Variants in WDR70 observed in about 807,000 individuals in gnomAD.
WDR70 encodes the protein WD repeat-containing protein 70.
In WDR70, 53 loss-of-function variants were observed where a neutral mutation model predicts 88.6. That is an observed-to-expected ratio of 0.60 (90% CI 0.48 to 0.75). The LOEUF is 0.75. Among genes scored for constraint, WDR70 ranks in the 30% least tolerant of loss-of-function variants. The pLI is 0.00. For synonymous variants in WDR70, 280 were observed against 270.0 expected, an observed-to-expected ratio of 1.04 and a Z score of -0.36; for missense variants, 610 against 823.2, an observed-to-expected ratio of 0.74 and a Z score of 3.17.
chr5:37,651,423 G>A lies in WDR70; in HGVS notation c.1092+46185G>A, dbSNP rs372384315. On this transcript the variant is annotated intron_variant, in intron 10 of 17. Coordinates refer to ENST00000265107, the MANE Select transcript of WDR70 (RefSeq NM_018034.4). ...TATTGTGAATAGTGCTGCAATAAACGTACATGTGCATGTGTCTTTATAGTA... is the reference window on the plus strand; with the variant it reads ...TATTGTGAATAGTGCTGCAATAAACATACATGTGCATGTGTCTTTATAGTA... 5.7e-4 allele frequency among the ~76,000 whole-genome samples: 86 copies of A among 152,196 alleles called. 3 individuals are homozygous for A. In the East Asian group the frequency reaches 0.012, roughly 21 times the overall value.
At chr5:37,436,932 T>G (rs1750484439) in intron 5 of WDR70, among the ~76,000 whole-genome samples, 1 of 152,160 alleles carries the variant, frequency 6.6e-6, no homozygotes, top group South Asian at 2.1e-4. Context: ...ACATATAATA[T>G]TAGTAGGATT....
chr5:37,749,158 G>A (rs138626239), intron 17 of WDR70, among the ~76,000 whole-genome samples: 1,527 of 152,276 alleles, frequency 0.01, 24 homozygotes, highest in African/African-American at 0.034. Flanking sequence ...ACATGCACAC[G>A]TATGTTTATT....
chr5:37,405,907 G>A (rs1749338445), intron 5 of WDR70, among the ~76,000 whole-genome samples: 2 of 152,168 alleles, frequency 1.3e-5, no homozygotes, highest in South Asian at 2.1e-4. Context: ...GCCAAGTGTG[G>A]TGGTGTGCAC....
chr5:37,657,171 G>A (rs369317421), intron 10 of WDR70, among the ~76,000 whole-genome samples: 1 of 152,164 alleles, frequency 6.6e-6, no homozygotes, highest in East Asian at 1.9e-4. Flanking sequence ...TGAAGACTGT[G>A]GGAAAAGCAT....
In WDR70 at chr5:37,392,073, A is replaced by T. The variant is rs1041571254; in HGVS notation, c.249A>T (p.Thr83=). ...LRRQNEDIEP[T]SSRSNVVRDC... is the part of the protein sequence containing the mutation. The stretch of plus-strand genomic sequence containing the variant: ...GACAAAATGAAGATATTGAGCCAAC[A>T]TCCTCAAGATCAAATGTGGTCAGAG... Residue 83 remains threonine (T), a synonymous_variant, in exon 4 of 18, where the codon ACA becomes ACT. Coordinates refer to ENST00000265107, the MANE Select transcript of WDR70 (RefSeq NM_018034.4). 32 of 1,612,884 alleles carry T rather than the reference A, an allele frequency of 2.0e-5. No individual in the cohort carries two copies. In the East Asian group the frequency reaches 7.1e-4, roughly 36 times the overall value.
At chr5:37,637,480 C>T (rs1434309738) in intron 10 of WDR70, among the ~76,000 whole-genome samples, 3 of 152,112 alleles carry the variant, frequency 2.0e-5, no homozygotes. Flanking sequence ...CCTCATCTCA[C>T]ACACCCACAT....
intron 10 of WDR70, among the ~76,000 whole-genome samples, chr5:37,685,879 C>A (rs1188513057): frequency 6.6e-6 from 1 of 152,156 alleles, no homozygotes; most frequent in East Asian, 1.9e-4. Flanking sequence ...CCAGTGTGCT[C>A]TAACCCCACA....
At chr5:37,393,337 G>A (rs769555385) in intron 4 of WDR70, among the ~76,000 whole-genome samples, 3 of 152,188 alleles carry the variant, frequency 2.0e-5, no homozygotes. Context: ...ACCGCGCCCA[G>A]CGTTATTATT....
At chr5:37,520,987 T>C (rs1465203502) in intron 9 of WDR70, among the ~76,000 whole-genome samples, 2 of 151,990 alleles carry the variant, frequency 1.3e-5, no homozygotes, top group African/African-American at 4.8e-5. Context: ...CACAGAGGAC[T>C]TGGGCTATTC....
rs1339419622 is a variant in WDR70, at chr5:37,381,812, G to A, written c.175+127G>A. On this transcript the variant is annotated intron_variant, in intron 3 of 17. Coordinates refer to ENST00000265107, the MANE Select transcript of WDR70 (RefSeq NM_018034.4). The stretch of plus-strand genomic sequence containing the variant: ...CTCATGCCTGTAATCCCAGCACTTA[G>A]GGAGGCCAAGGCGGGCAGATCACCT... The A allele has an allele frequency of 7.1e-6, 6 of 845,982 alleles. 1 individual carries two copies. Among genetic ancestry groups the A allele is most frequent in the Non-Finnish European group, 5.3e-6 (3 of 563,306 alleles). 52.4% of individuals were successfully genotyped at this position (845,982 alleles called of 1,614,324 possible). A position where few individuals can be genotyped will look rare whatever the true frequency, so the allele number is the denominator to read the frequency against.
intron 8 of WDR70, among the ~76,000 whole-genome samples, chr5:37,487,170 TTCTC>T (rs1037660339): frequency 1.1e-4 from 17 of 152,348 alleles, no homozygotes; most frequent in African/African-American, 3.6e-4. Context: ...TTGCCAAATA[TTCTC>T]TCTCTTTTGA....
chr5:37,617,891 G>A (rs1744389849), intron 10 of WDR70, among the ~76,000 whole-genome samples: 1 of 152,168 alleles, frequency 6.6e-6, no homozygotes, highest in African/African-American at 2.4e-5. Context: ...AATGTAGCTG[G>A]TGAAAACACT....
chr5:37,729,226 G>A (rs1457316598), intron 17 of WDR70, among the ~76,000 whole-genome samples: 1 of 152,114 alleles, frequency 6.6e-6, no homozygotes, highest in African/African-American at 2.4e-5. Context: ...CCAAAGAGCC[G>A]TGGCTCCTTT....
chr5:37,489,546 A>C (rs930508840), intron 8 of WDR70, among the ~76,000 whole-genome samples: 1 of 151,860 alleles, frequency 6.6e-6, no homozygotes, highest in Admixed American at 6.6e-5. Context: ...GTGTAGATAG[A>C]TATAAGCAGT....
At chr5:37,581,700 C>T (rs1436236798) in intron 9 of WDR70, among the ~76,000 whole-genome samples, 1 of 152,126 alleles carries the variant, frequency 6.6e-6, no homozygotes, top group South Asian at 2.1e-4. Flanking sequence ...AACTGTAGAA[C>T]TTCTCTGTAA....
chr5:37,476,142 G>A (rs13188782), intron 7 of WDR70, among the ~76,000 whole-genome samples: 1 of 151,860 alleles, frequency 6.6e-6, no homozygotes, highest in African/African-American at 2.4e-5. Flanking sequence ...GAGCCACCGT[G>A]CCTGATCTGC....
At chr5:37,616,975 A>G (rs1048500485) in intron 10 of WDR70, among the ~76,000 whole-genome samples, 2 of 152,188 alleles carry the variant, frequency 1.3e-5, no homozygotes, top group South Asian at 2.1e-4. Flanking sequence ...AGTGATGCCT[A>G]TTTGCATCAG....
At chr5:37,524,384 T>C (rs971076531) in intron 9 of WDR70, among the ~76,000 whole-genome samples, 15 of 152,086 alleles carry the variant, frequency 9.9e-5, no homozygotes, top group Non-Finnish European at 1.6e-4. Context: ...CAAACTAAGC[T>C]TCATAAGTGA....
At chr5:37,618,777 T>A (rs975638212) in intron 10 of WDR70, among the ~76,000 whole-genome samples, 28 of 152,318 alleles carry the variant, frequency 1.8e-4, no homozygotes, top group Non-Finnish European at 2.6e-4. Context: ...AGGAGAGGAT[T>A]GGCATTATTC....
Sources: allele counts gnomAD v4.1 joint callset (sites outside exome capture counted in the v4.1 genomes callset), GRCh38; gene constraint gnomAD v4.1.1; transcripts MANE v1.5; gene names NCBI Gene and HGNC (gene_info 2026-07-23, HGNC 2026-07-21).